The following ADGRV1 variants were observed in gnomAD, a reference collection of about 807,000 sequenced individuals.
ADGRV1 encodes G-protein coupled receptor 98.
Under a neutral mutation model 596.2 loss-of-function variants are expected in ADGRV1, and 359 were observed. The ratio of observed to expected loss-of-function variants is 0.60; its 90% CI spans 0.55 to 0.66. The LOEUF (loss-of-function observed/expected upper bound fraction) is 0.66, where lower values mean the gene tolerates loss of function less well. Ranked by LOEUF, ADGRV1 falls within the 30% of genes least tolerant of loss-of-function variation. ADGRV1 has a pLI of 0.00. For missense variants in ADGRV1, 7,274 were observed against 7,575.6 expected, an observed-to-expected ratio of 0.96 and a Z score of 1.48; for synonymous variants, 2,681 against 2,679.2, an observed-to-expected ratio of 1.00 and a Z score of -0.02.
intron 72 of ADGRV1, among the ~76,000 whole-genome samples, chr5:90,805,929 T>C (rs1761862447): frequency 6.6e-6 from 1 of 152,160 alleles, no homozygotes; most frequent in Non-Finnish European, 1.5e-5. Context: ...CTCTACCGTG[T>C]TATAGCAAGC....
chr5:91,112,877 G>T (rs1361594349), intron 87 of ADGRV1, among the ~76,000 whole-genome samples: 1 of 152,116 alleles, frequency 6.6e-6, no homozygotes, highest in Non-Finnish European at 1.5e-5. Context: ...AAAAATATAT[G>T]TGTATAAATA....
chr5:91,149,398 C>T (rs750694294), intron 87 of ADGRV1, among the ~76,000 whole-genome samples: 5 of 152,152 alleles, frequency 3.3e-5, no homozygotes, highest in Admixed American at 6.5e-5. Context: ...GTTTTATAAG[C>T]GTCTGGCATT....
chr5:90,960,388 A>G (rs1486691704), intron 83 of ADGRV1, among the ~76,000 whole-genome samples: 1 of 152,214 alleles, frequency 6.6e-6, no homozygotes, highest in African/African-American at 2.4e-5. Flanking sequence ...TACTATGTTC[A>G]AACTCGATAG....
At chr5:91,081,942 AC>A (rs1187556868) in intron 86 of ADGRV1, among the ~76,000 whole-genome samples, 2 of 152,168 alleles carry the variant, frequency 1.3e-5, no homozygotes, top group African/African-American at 4.8e-5. Flanking sequence ...AACTAAATTC[AC>A]TGTTGCTTGC....
At chr5:91,035,450 C>T (rs904004272) in intron 85 of ADGRV1, among the ~76,000 whole-genome samples, 1 of 152,102 alleles carries the variant, frequency 6.6e-6, no homozygotes, top group Admixed American at 6.5e-5. Context: ...AATGATTTTT[C>T]AACTCTTTGC....
Position 90,750,614 on chromosome 5 carries a change from C to T in ADGRV1, c.11038C>T (p.Arg3680Cys), listed in dbSNP as rs367738566. 2.4e-5 allele frequency: 39 copies of T among 1,611,658 alleles called. No individual in the cohort carries two copies. Among genetic ancestry groups the T allele is most frequent in the East Asian group, 1.1e-4 (5 of 44,814 alleles). ...TAGCCTAGTAACCTTGAACGTTGAA[C>T]GCTTAAAAGGAACATATGGCCGTAT... is the stretch of plus-strand genomic sequence containing the variant. ...QDSLVTLNVE[R>C]LKGTYGRITI... Residue 3680 changes from arginine to cysteine, a missense_variant, in exon 53 of 90, where the codon CGC (arginine) becomes TGC (cysteine). By Grantham distance (180) the Arg-to-Cys change is radical. Around this residue, in one of 5 missense-constraint regions of ADGRV1, gnomAD observed 3,643 missense variants for 3,809.2 expected, o/e 0.96. Transcript: ENST00000405460.
intron 1 of ADGRV1, among the ~76,000 whole-genome samples, chr5:90,578,076 C>A (rs954719307): frequency 6.6e-6 from 1 of 152,172 alleles, no homozygotes; most frequent in Non-Finnish European, 1.5e-5. Context: ...AATTTGACTT[C>A]CTCTTTTCCT....
At chr5:90,656,984 C>A (rs10062924) in intron 20 of ADGRV1, among the ~76,000 whole-genome samples, 75,344 of 151,628 alleles carry the variant, frequency 0.5, 19,248 homozygotes, top group East Asian at 0.81. Context: ...CATCTATTCT[C>A]TTAGTTGTTT....
chr5:91,016,716 C>T (rs1783201645), intron 85 of ADGRV1, among the ~76,000 whole-genome samples: 1 of 151,752 alleles, frequency 6.6e-6, no homozygotes, highest in African/African-American at 2.4e-5. Flanking sequence ...GATAATGTGA[C>T]CAAAGAAAAG....
At chr5:90,880,465 AT>A (rs1216559776) in intron 83 of ADGRV1, among the ~76,000 whole-genome samples, 2 of 152,234 alleles carry the variant, frequency 1.3e-5, no homozygotes, top group Non-Finnish European at 2.9e-5. Context: ...AGTGACACAC[AT>A]TGGGTTTAAG....
chr5:90,823,236 C>T (rs1763757028), intron 75 of ADGRV1, among the ~76,000 whole-genome samples, 189 bp from the exon 76 acceptor site: 1 of 152,124 alleles, frequency 6.6e-6, no homozygotes, highest in African/African-American at 2.4e-5. Flanking sequence ...GAGGCTTAAT[C>T]CTCTTATCTG....
Position 90,684,110 on chromosome 5 carries a change from GGAT to G in ADGRV1, c.6198_6200del (p.Asp2066del). ...AGGCAACAATAGCTATTTCAATTTT[GGAT>G]GATGATGAGCCAGAAAGGTCCGAAT... On this transcript the variant is annotated inframe_deletion, in exon 28 of 90. Coordinates refer to ENST00000405460, the MANE Select transcript of ADGRV1 (RefSeq NM_032119.4). The G allele has an allele frequency of 6.2e-7, 1 of 1,613,806 alleles. No individual in the cohort carries two copies. Among genetic ancestry groups the G allele is most frequent in the Non-Finnish European group, 8.5e-7 (1 of 1,179,844 alleles).
intron 11 of ADGRV1, chr5:90,640,815 C>T (rs1766874036): frequency 6.6e-6 from 1 of 152,604 alleles, no homozygotes; most frequent in African/African-American, 2.4e-5. Flanking sequence ...CCCCTTCCCA[C>T]ACTTCTTTCT....
At chr5:90,796,981 A>G (rs1210124031) in intron 70 of ADGRV1, among the ~76,000 whole-genome samples, 1 of 152,156 alleles carries the variant, frequency 6.6e-6, no homozygotes, top group Non-Finnish European at 1.5e-5. Flanking sequence ...AGCACTAAAC[A>G]TGGAAAGTAA....
intron 10 of ADGRV1, among the ~76,000 whole-genome samples, chr5:90,637,502 T>C (rs1232778371): frequency 1.3e-5 from 2 of 152,188 alleles, no homozygotes; most frequent in African/African-American, 4.8e-5. Flanking sequence ...TAGTTTTGTA[T>C]ATAAATTTGA....
In ADGRV1 at chr5:90,763,329, T is replaced by C; in HGVS notation, c.12145T>C (p.Ser4049Pro). ...KTVMIDESLS[S>P]DDPDSYVTLT... is the part of the protein sequence containing the mutation. ...GGTAATGATTGATGAATCCCTTTCA[T>C]CCGATGACCCTGATTCATATGTGAC... Residue 4049 changes from serine (S) to proline (P), a missense_variant, in exon 59 of 90, where the codon TCC becomes CCC. Coordinates refer to ENST00000405460, the MANE Select transcript of ADGRV1 (RefSeq NM_032119.4). 6.3e-7 allele frequency: 1 copy of C among 1,595,336 alleles called. No homozygotes were observed. The highest frequency in any genetic ancestry group is 8.6e-7 in the Non-Finnish European group (1 of 1,166,604).
intron 2 of ADGRV1, among the ~76,000 whole-genome samples, chr5:90,616,849 T>A (rs763320503): frequency 6.6e-6 from 1 of 152,184 alleles, no homozygotes; most frequent in Non-Finnish European, 1.5e-5. Flanking sequence ...TGGAACCCAT[T>A]CCTTCTGTTT....
chr5:90,665,152 C>G (rs1771096162), intron 21 of ADGRV1, among the ~76,000 whole-genome samples: 1 of 150,888 alleles, frequency 6.6e-6, no homozygotes. Flanking sequence ...AGGATTCCCT[C>G]TTTTTCTATT....
Position 90,729,742 on chromosome 5 carries a change from CT to C in ADGRV1, c.10529del (p.Phe3510SerfsTer7), listed in dbSNP as rs778775513. ...TTGCTGCTGTTAACAGAATCCACTC[CT>C]TCACACCAGCCTCAGGAATAGGTAA... ...DFAAVNRIHS[F>X]TPASGIAHIL... On this transcript the variant is annotated frameshift_variant, in exon 50 of 90. Coordinates refer to ENST00000405460, the MANE Select transcript of ADGRV1 (RefSeq NM_032119.4). LOFTEE classifies it high-confidence loss of function. 1 of 1,613,426 alleles carries C rather than the reference CT, an allele frequency of 6.2e-7. No homozygotes were observed. The highest frequency in any genetic ancestry group is 8.5e-7 in the Non-Finnish European group (1 of 1,179,508).
Sources: allele counts gnomAD v4.1 joint callset (sites outside exome capture counted in the v4.1 genomes callset), GRCh38; gene constraint gnomAD v4.1.1; regional missense constraint gnomAD v4.1.1; transcripts MANE v1.5; gene names NCBI Gene and HGNC (gene_info 2026-07-23, HGNC 2026-07-21).